Variants in DPF2 observed in about 807,000 individuals in gnomAD.
DPF2 encodes the protein zinc finger protein ubi-d4.
A neutral mutation model predicts 59.6 loss-of-function variants in DPF2; 10 were observed. That is an observed-to-expected ratio of 0.17 (90% confidence interval 0.10 to 0.28). The LOEUF (loss-of-function observed/expected upper bound fraction) is 0.28, where lower values mean the gene tolerates loss of function less well. DPF2 is among the 10% of genes least tolerant of loss of function. The pLI, the probability that DPF2 is intolerant of heterozygous loss-of-function variation, is 1.00. For missense variants in DPF2, 315 were observed against 509.4 expected, an observed-to-expected ratio of 0.62 and a Z score of 3.67; for synonymous variants, 189 against 190.6, an observed-to-expected ratio of 0.99 and a Z score of 0.07.
chr11:65,336,975 C>T (rs1158924972), intron 1 of DPF2, among the ~76,000 whole-genome samples: 2 of 151,666 alleles, frequency 1.3e-5, no homozygotes, highest in African/African-American at 4.8e-5. Flanking sequence ...GTAGTCCCAG[C>T]TACTCAGGAG....
chr11:65,344,481 TG>T, intron 6 of DPF2: 1 of 1,222,454 alleles, frequency 8.2e-7, no homozygotes. Flanking sequence ...CCATCGCCGC[TG>T]GGGTTTCTCT....
chr11:65,348,985 A>C, intron 10 of DPF2, 54 bp downstream of exon 10: 5 of 1,583,270 alleles, frequency 3.2e-6, no homozygotes, highest in Non-Finnish European at 4.3e-6. Flanking sequence ...TTACTTGGAA[A>C]ATACTGAGTT....
At chr11:65,350,374 CTTTT>C (rs529951680) in intron 10 of DPF2, among the ~76,000 whole-genome samples, 2 of 128,776 alleles carry the variant, frequency 1.6e-5, no homozygotes, top group Admixed American at 7.9e-5. Context: ...TTCTTTCTTT[CTTTT>C]TTTTTTTTTT....
chr11:65,341,714 C>T, intron 4 of DPF2, 152 bp downstream of exon 4: 1 of 1,027,168 alleles, frequency 9.7e-7, no homozygotes. Flanking sequence ...TGATTATTGT[C>T]AGGTACTGAC....
chr11:65,340,920 C>T, intron 2 of DPF2, 46 bp from the exon 3 acceptor site: 2 of 1,576,814 alleles, frequency 1.3e-6, no homozygotes, highest in Non-Finnish European at 1.7e-6. Context: ...GTATTACTTT[C>T]TAATACTGGG....
intron 1 of DPF2, among the ~76,000 whole-genome samples, chr11:65,335,135 C>T (rs1182411594): frequency 1.3e-5 from 2 of 151,616 alleles, no homozygotes; most frequent in East Asian, 1.9e-4. Flanking sequence ...TTCAGCCACC[C>T]CTCCTCCCAA....
At position 65,352,102 on chromosome 11, in the gene DPF2, G is replaced by T; in HGVS notation, c.*343G>T. On this transcript the variant is annotated 3_prime_UTR_variant, in exon 11 of 11. Coordinates refer to ENST00000528416, the MANE Select transcript of DPF2 (RefSeq NM_006268.5). Reference sequence around the variant, plus strand: ...TCCTCCTAGAAAGAGTGGGAGAGCAGCTCACTTCTCTGTGTTCTGCCTCCC... The same window carrying T: ...TCCTCCTAGAAAGAGTGGGAGAGCATCTCACTTCTCTGTGTTCTGCCTCCC... 3.5e-6 allele frequency: 1 copy of T among 285,142 alleles called. No homozygotes were observed. 17.7% of individuals were successfully genotyped at this position (285,142 alleles called of 1,614,324 possible).
chr11:65,344,359 C>T, intron 6 of DPF2: 1 of 615,448 alleles, frequency 1.6e-6, no homozygotes, highest in Non-Finnish European at 2.8e-6. Flanking sequence ...TGCAGGTCTC[C>T]TGGCCTCAGT....
chr11:65,337,067 CAA>C (rs1318740065), intron 1 of DPF2, among the ~76,000 whole-genome samples: 1 of 151,878 alleles, frequency 6.6e-6, no homozygotes, highest in African/African-American at 2.4e-5. Flanking sequence ...GACTCCGTCT[CAA>C]AAAAAGAGAG....
intron 6 of DPF2, 119 bp downstream of exon 6, chr11:65,344,188 C>T: frequency 9.6e-7 from 1 of 1,037,856 alleles, no homozygotes; most frequent in Non-Finnish European, 1.5e-6. Context: ...GGGCTCTTGT[C>T]CTGCCTGCTG....
Position 65,344,053 on chromosome 11 carries a change from G to A in DPF2, c.621G>A (p.Lys207=). 1.9e-6 allele frequency: 3 copies of A among 1,614,208 alleles called. No homozygotes were observed. The highest frequency in any genetic ancestry group is 2.5e-6 in the Non-Finnish European group (3 of 1,180,034). Residue 207 remains lysine (K), a synonymous_variant, in exon 6 of 11, where the codon AAG becomes AAA. Coordinates refer to ENST00000528416, the MANE Select transcript of DPF2 (RefSeq NM_006268.5). ...CTTCCATCCTGGAGGACCGGGATAA[G>A]CCCTATGCCTGTGACAGTGAGTGCC... ...LDASILEDRD[K]PYACDICGKR... is the part of the protein sequence containing the mutation.
rs1406465899 is a variant in DPF2 at position 65,343,917 on chromosome 11, G to A, written c.559-74G>A. On this transcript the variant is annotated intron_variant, in intron 5 of 10. Coordinates refer to ENST00000528416, the MANE Select transcript of DPF2 (RefSeq NM_006268.5). ...TTATTTTATTTCAAGTGAGATTAGC[G>A]GCCACTTCCAAAAGAGTCTAACTCC... 8.1e-6 allele frequency: 13 copies of A among 1,606,326 alleles called. No individual in the cohort carries two copies. In the Admixed American group the frequency reaches 8.5e-5, roughly 10 times the overall value.
chr11:65,344,439 TG>T (rs1433452733), intron 6 of DPF2: 1 of 744,046 alleles, frequency 1.3e-6, no homozygotes, highest in Non-Finnish European at 2.2e-6. Context: ...CTGTCTGCCT[TG>T]CCCCACTTCT....
intron 1 of DPF2, among the ~76,000 whole-genome samples, chr11:65,340,009 T>C (rs978483398): frequency 6.6e-6 from 1 of 152,150 alleles, no homozygotes; most frequent in Non-Finnish European, 1.5e-5. Context: ...AAGGAGGAAC[T>C]TAGGAGGGAC....
intron 9 of DPF2, 74 bp from the exon 10 acceptor site, chr11:65,348,776 A>G: frequency 6.8e-7 from 1 of 1,476,368 alleles, no homozygotes; most frequent in South Asian, 1.1e-5. Context: ...CCTCTTGGAA[A>G]TAGCAGTGTC....
chr11:65,345,701 A>G lies in DPF2; in HGVS notation c.673A>G (p.Ser225Gly). 1 of 1,614,154 alleles carries G rather than the reference A, an allele frequency of 6.2e-7. No homozygotes were observed. The highest frequency in any genetic ancestry group is 8.5e-7 in the Non-Finnish European group (1 of 1,180,028). ...GKRYKNRPGL[S>G]YHYAHSHLAE... ...ACGTTACAAGAACCGACCAGGCCTC[A>G]GTTACCACTATGCCCACTCCCACTT... Residue 225 changes from serine to glycine, a missense_variant, in exon 7 of 11, where the codon AGT becomes GGT. This residue lies in a region of DPF2 where 58 missense variants were observed against 84.6 expected (regional missense o/e 0.69). Transcript: ENST00000528416.
chr11:65,339,698 C>A (rs4647575), intron 1 of DPF2, among the ~76,000 whole-genome samples: 10,544 of 152,200 alleles, frequency 0.069, 508 homozygotes, highest in African/African-American at 0.14. Flanking sequence ...TTTTTCTCCC[C>A]GCTGACCTGC....
chr11:65,347,312 CTATT>C (rs1249644279), intron 9 of DPF2: 2 of 151,918 alleles, frequency 1.3e-5, no homozygotes, highest in East Asian at 1.9e-4. Flanking sequence ...CTGCACCCAG[CTATT>C]TATTTATTCT....
chr11:65,342,294 TAAA>T (rs1176905321), intron 4 of DPF2, among the ~76,000 whole-genome samples: 1 of 150,642 alleles, frequency 6.6e-6, no homozygotes, highest in East Asian at 2.0e-4. Flanking sequence ...AAAATAAAAA[TAAA>T]AAATTAGCTG....
Sources: allele counts gnomAD v4.1 joint callset (sites outside exome capture counted in the v4.1 genomes callset), GRCh38; gene constraint gnomAD v4.1.1; regional missense constraint gnomAD v4.1.1; transcripts MANE v1.5; gene names NCBI Gene and HGNC (gene_info 2026-07-23, HGNC 2026-07-21).